The following CDH8 variants were observed in gnomAD, a reference collection of about 807,000 sequenced individuals.
CDH8 encodes cadherin 8, also known as cadherin-8.
A neutral mutation model predicts 68.1 loss-of-function variants in CDH8; 17 were observed. The observed-to-expected ratio is 0.25, with a 90% confidence interval of 0.17 to 0.37. CDH8 has a LOEUF of 0.37. Ranked by LOEUF, CDH8 falls within the 10% of genes least tolerant of loss-of-function variation. The pLI is 1.00. For synonymous variants in CDH8, 372 were observed against 365.1 expected, an observed-to-expected ratio of 1.02 and a Z score of -0.21; for missense variants, 763 against 999.3, an observed-to-expected ratio of 0.76 and a Z score of 3.19.
chr16:61,825,248 C>T, intron 4 of CDH8, 69 bp from the exon 5 acceptor site: 2 of 1,171,910 alleles, frequency 1.7e-6, no homozygotes, highest in Middle Eastern at 2.0e-4. Flanking sequence ...GTTAATCTCA[C>T]ACATGCACAC....
intron 9 of CDH8, chr16:61,726,760 C>T (rs901604700): frequency 3.0e-5 from 11 of 369,826 alleles, no homozygotes; most frequent in East Asian, 7.7e-5. Context: ...TTTTACCTTG[C>T]TTCTTGTCAT....
chr16:61,797,531 A>T (rs1047776404), intron 7 of CDH8, among the ~76,000 whole-genome samples: 1 of 152,098 alleles, frequency 6.6e-6, no homozygotes, highest in African/African-American at 2.4e-5. Flanking sequence ...GTGCTATGCC[A>T]ATTTATATAT....
rs148788767 is a variant in CDH8 at position 61,811,799 on chromosome 16, G to A, written c.1277+5680C>T. Among the ~76,000 whole-genome samples, 469 of 152,192 alleles carry A rather than the reference G, an allele frequency of 3.1e-3. 1 individual carries two copies. The highest frequency in any genetic ancestry group is 0.01 in the African/African-American group (429 of 41,538). On this transcript the variant is annotated intron_variant, in intron 7 of 11. Coordinates refer to ENST00000577390, the MANE Select transcript of CDH8 (RefSeq NM_001796.5). The stretch of plus-strand genomic sequence containing the variant: ...CTACTAAGAGATATAATCCAGTCAC[G>A]AAAGGACAAATACTGCATGATTCTG...
intron 2 of CDH8, among the ~76,000 whole-genome samples, chr16:61,960,891 G>A (rs1477554116): frequency 6.6e-6 from 1 of 152,142 alleles, no homozygotes; most frequent in Non-Finnish European, 1.5e-5. Flanking sequence ...ATTCTCTGAG[G>A]ATTTGCATTC....
At chr16:61,737,212 G>A (rs1057207197) in intron 8 of CDH8, among the ~76,000 whole-genome samples, 10 of 152,046 alleles carry the variant, frequency 6.6e-5, no homozygotes, top group Admixed American at 2.0e-4. Context: ...TGCAGGCATC[G>A]ATTGAAATAA....
chr16:61,766,206 T>TATA (rs779649363), intron 8 of CDH8, among the ~76,000 whole-genome samples: 42 of 144,590 alleles, frequency 2.9e-4, no homozygotes, highest in Non-Finnish European at 4.4e-4. Flanking sequence ...TGCATGCCCA[T>TATA]AGCTTAGCTG....
intron 2 of CDH8, 54 bp downstream of exon 2, chr16:62,021,098 C>T (rs533501309): frequency 1.6e-5 from 23 of 1,466,098 alleles, no homozygotes; most frequent in Non-Finnish European, 2.1e-5. Flanking sequence ...TGGTATTAAA[C>T]ATCTTAAGAC....
intron 2 of CDH8, among the ~76,000 whole-genome samples, chr16:61,972,479 G>A (rs775433437): frequency 2.6e-5 from 4 of 151,960 alleles, no homozygotes; most frequent in East Asian, 1.9e-4. Context: ...GGATAGAGTC[G>A]TGTTGAGATC....
chr16:61,776,521 G>C (rs1432312432), intron 8 of CDH8, among the ~76,000 whole-genome samples: 2 of 152,092 alleles, frequency 1.3e-5, no homozygotes, highest in Admixed American at 1.3e-4. Flanking sequence ...ACAGAGGAAA[G>C]AAGATGCTCC....
chr16:61,971,032 A>C (rs902829836), intron 2 of CDH8, among the ~76,000 whole-genome samples: 1 of 148,262 alleles, frequency 6.7e-6, no homozygotes, highest in Non-Finnish European at 1.5e-5. Flanking sequence ...AATCTCCCCC[A>C]CCCTTAAGAA....
rs1963308651 is a variant in CDH8 at position 61,650,911 on chromosome 16, A to T, written c.*2697T>A. 1 of 152,066 alleles carries T rather than the reference A, an allele frequency of 6.6e-6. No individual in the cohort carries two copies. Among genetic ancestry groups the T allele is most frequent in the Non-Finnish European group, 1.5e-5 (1 of 68,020 alleles). The allele number at this position is 152,066 out of a possible 1,614,324, so 9.4% of individuals were successfully genotyped here. ...TGGTGGCAAAGAAAGTCAGCAAGAG[A>T]TGCAAGCTTTCATTCTGTGTTCCTA... On this transcript the variant is annotated 3_prime_UTR_variant, in exon 12 of 12. Transcript: ENST00000577390.
intron 2 of CDH8, among the ~76,000 whole-genome samples, chr16:61,967,058 A>C (rs1965263634): frequency 6.6e-6 from 1 of 152,076 alleles, no homozygotes; most frequent in African/African-American, 2.4e-5. Flanking sequence ...AAAAATAGCC[A>C]AGTGTGGTGG....
At chr16:61,782,747 CG>C (rs1356962149) in intron 8 of CDH8, among the ~76,000 whole-genome samples, 1 of 152,080 alleles carries the variant, frequency 6.6e-6, no homozygotes, top group African/African-American at 2.4e-5. Flanking sequence ...GATCTGAGAA[CG>C]GGCAGACTGC....
intron 5 of CDH8, among the ~76,000 whole-genome samples, chr16:61,822,341 G>A (rs1301480597): frequency 6.8e-6 from 1 of 146,556 alleles, no homozygotes; most frequent in Non-Finnish European, 1.5e-5. Context: ...TTGTCTCAGG[G>A]TCTGTTTCTG....
intron 2 of CDH8, among the ~76,000 whole-genome samples, chr16:62,019,493 T>C (rs1040961058): frequency 6.6e-6 from 1 of 152,194 alleles, no homozygotes; most frequent in African/African-American, 2.4e-5. Context: ...TATCTTGGAA[T>C]TCAAAACTTT....
chr16:61,984,316 A>G (rs914914520), intron 2 of CDH8, among the ~76,000 whole-genome samples: 2 of 152,198 alleles, frequency 1.3e-5, no homozygotes, highest in South Asian at 4.1e-4. Context: ...ATCGTAGTGA[A>G]GGTAAGGCAT....
intron 2 of CDH8, among the ~76,000 whole-genome samples, chr16:61,988,606 CA>C (rs1054669489): frequency 1.3e-5 from 2 of 151,582 alleles, no homozygotes; most frequent in African/African-American, 2.4e-5. Flanking sequence ...AACAAACAAA[CA>C]AAAAAAGGTA....
chr16:61,744,246 CT>C (rs1221902112), intron 8 of CDH8, among the ~76,000 whole-genome samples: 2 of 152,126 alleles, frequency 1.3e-5, no homozygotes. Flanking sequence ...CACTTAGATT[CT>C]GCCAAAGTTT....
chr16:61,735,490 G>GTCAT lies in CDH8; in HGVS notation c.1415-8279_1415-8276dup, dbSNP rs935621029. ...CTGAGAATTTCGATAAATGCCTTTT[G>GTCAT]TCATTCATTCATTACCTTATTATTC... On this transcript the variant is annotated intron_variant, in intron 8 of 11. Coordinates refer to ENST00000577390, the MANE Select transcript of CDH8 (RefSeq NM_001796.5). 9.2e-5 allele frequency among the ~76,000 whole-genome samples: 14 copies of GTCAT among 152,120 alleles called. No individual in the cohort carries two copies. In the South Asian group the frequency reaches 2.7e-3, roughly 29 times the overall value.
Sources: gnomAD v4.1 joint callset for allele counts (sites outside exome capture counted in the v4.1 genomes callset) on GRCh38, gnomAD v4.1.1 for gene constraint, MANE v1.5 for transcripts, NCBI Gene and HGNC (gene_info 2026-07-23, HGNC 2026-07-21) for gene names.